The following GMEB1 variants were observed in gnomAD, a reference collection of about 807,000 sequenced individuals.
The protein encoded by GMEB1 is glucocorticoid modulatory element-binding protein 1.
In GMEB1, 6 loss-of-function variants were observed where a neutral mutation model predicts 52.4. That is an observed-to-expected ratio of 0.11 (90% CI 0.06 to 0.23). The LOEUF is 0.23. GMEB1 is among the 10% of genes least tolerant of loss of function. The pLI is 1.00. For missense variants in GMEB1, 486 were observed against 685.6 expected, an observed-to-expected ratio of 0.71 and a Z score of 3.25; for synonymous variants, 255 against 244.9, an observed-to-expected ratio of 1.04 and a Z score of -0.38.
chr1:28,709,133 CAA>C (rs33947165), intron 8 of GMEB1, among the ~76,000 whole-genome samples: 7 of 120,584 alleles, frequency 5.8e-5, no homozygotes, highest in Admixed American at 8.9e-5. Flanking sequence ...GACTCCATCT[CAA>C]AAAAAAAAAA....
intron 9 of GMEB1, among the ~76,000 whole-genome samples, chr1:28,711,854 A>G (rs748072499): frequency 3.9e-5 from 6 of 152,100 alleles, no homozygotes; most frequent in East Asian, 1.9e-4. Flanking sequence ...CGAGCAATCA[A>G]CTCTCCAGTG....
At chr1:28,708,649 T>TTG (rs1274038006) in intron 8 of GMEB1, among the ~76,000 whole-genome samples, 1 of 149,260 alleles carries the variant, frequency 6.7e-6, no homozygotes, top group African/African-American at 2.5e-5. Flanking sequence ...TTTTTTGTAT[T>TTG]TAGTAGCAAC....
At chr1:28,711,866 A>C (rs1041910110) in intron 9 of GMEB1, among the ~76,000 whole-genome samples, 3 of 152,192 alleles carry the variant, frequency 2.0e-5, no homozygotes, top group African/African-American at 7.2e-5. Flanking sequence ...TCTCCAGTGG[A>C]CACTGACTGG....
intron 4 of GMEB1, among the ~76,000 whole-genome samples, chr1:28,692,496 A>T (rs958455476): frequency 2.9e-4 from 44 of 151,572 alleles, no homozygotes; most frequent in African/African-American, 1.1e-3. Context: ...GCGCTGTTGC[A>T]CTCCAGTCTA....
At chr1:28,674,115 ACT>A (rs1024041629) in intron 1 of GMEB1, among the ~76,000 whole-genome samples, 11 of 150,698 alleles carry the variant, frequency 7.3e-5, no homozygotes, top group African/African-American at 2.7e-4. Flanking sequence ...CTGCCATTGC[ACT>A]CCAGCCTGGG....
At chr1:28,697,261 T>C (rs1035809265) in intron 6 of GMEB1, among the ~76,000 whole-genome samples, 177 bp downstream of exon 6, 3 of 149,640 alleles carry the variant, frequency 2.0e-5, no homozygotes, top group African/African-American at 7.4e-5. Context: ...CAGGTTGGAG[T>C]GCAGTAGCGT....
At chr1:28,668,271 C>T (rs1668694031), upstream of GMEB1, among the ~76,000 whole-genome samples, 1 of 149,198 alleles carries the variant, frequency 6.7e-6, no homozygotes, top group South Asian at 2.3e-4. Flanking sequence ...AACCCAGAAA[C>T]TCACAAGCAG....
At chr1:28,669,429 C>T (rs1228747536) in intron 1 of GMEB1, among the ~76,000 whole-genome samples, 1 of 152,114 alleles carries the variant, frequency 6.6e-6, no homozygotes, top group Admixed American at 6.6e-5. Context: ...CTCTCGGAGC[C>T]TTGGCGGGAG....
At chr1:28,686,577 C>T (rs1461331349) in intron 2 of GMEB1, among the ~76,000 whole-genome samples, 2 of 137,190 alleles carry the variant, frequency 1.5e-5, no homozygotes, top group Non-Finnish European at 3.0e-5. Context: ...TGCAGTGAGC[C>T]GAGATTGCAC....
Position 28,697,020 on chromosome 1 carries a change from C to T in GMEB1, c.534C>T (p.Ser178=), listed in dbSNP as rs1670237335. The T allele has an allele frequency of 6.2e-7, 1 of 1,612,388 alleles. No homozygotes were observed. Among genetic ancestry groups the T allele is most frequent in the East Asian group, 2.2e-5 (1 of 44,804 alleles). ...GCACCAAATTTGATCTTCTGATCAG[C>T]AGTGCAAGAGCTCCAGTGCCAGGAC... ...CRSTKFDLLI[S]SARAPVPGQQ... The change falls in exon 6 of 10, where the codon AGC becomes AGT. Residue 178 remains serine, a synonymous_variant. Coordinates refer to ENST00000373816, the MANE Select transcript of GMEB1 (RefSeq NM_001319674.2).
intron 6 of GMEB1, among the ~76,000 whole-genome samples, chr1:28,697,840 T>C (rs1239934328): frequency 6.6e-6 from 1 of 152,084 alleles, no homozygotes; most frequent in Non-Finnish European, 1.5e-5. Flanking sequence ...GGGAGGCAGA[T>C]CATGAAGTCA....
intron 4 of GMEB1, 66 bp downstream of exon 4, chr1:28,691,775 T>A: frequency 1.5e-6 from 1 of 677,174 alleles, no homozygotes; most frequent in South Asian, 3.6e-5. Flanking sequence ...GTGAGTTCCA[T>A]GCATCCTTTT....
intron 3 of GMEB1, among the ~76,000 whole-genome samples, chr1:28,691,122 C>T (rs1158768728): frequency 1.3e-5 from 2 of 152,060 alleles, no homozygotes; most frequent in African/African-American, 2.4e-5. Flanking sequence ...GAAACCCTAT[C>T]TCTACTAAAA....
chr1:28,691,452 C>T (rs753843974), intron 3 of GMEB1, 133 bp from the exon 4 acceptor site: 23 of 478,480 alleles, frequency 4.8e-5, no homozygotes, highest in Admixed American at 1.2e-4. Flanking sequence ...CAAACTTCTT[C>T]CAGAGGATTC....
At chr1:28,671,655 G>T (rs1344615286) in intron 1 of GMEB1, among the ~76,000 whole-genome samples, 1 of 151,872 alleles carries the variant, frequency 6.6e-6, no homozygotes, top group Admixed American at 6.6e-5. Flanking sequence ...TAAGTGGGAG[G>T]ATCGCTTGAG....
chr1:28,696,905 C>A, intron 5 of GMEB1, 22 bp from the exon 6 acceptor site: 1 of 1,581,926 alleles, frequency 6.3e-7, no homozygotes, highest in South Asian at 1.2e-5. Context: ...TGAACTGGTA[C>A]TTCTTGTCTC....
At chr1:28,708,033 G>A (rs1301600799) in intron 8 of GMEB1, among the ~76,000 whole-genome samples, 2 of 151,988 alleles carry the variant, frequency 1.3e-5, no homozygotes, top group Admixed American at 6.6e-5. Context: ...CAAGTAGCTG[G>A]GACTACAGGC....
intron 8 of GMEB1, among the ~76,000 whole-genome samples, chr1:28,706,006 T>C (rs1670743039): frequency 6.8e-6 from 1 of 146,606 alleles, no homozygotes; most frequent in Admixed American, 6.8e-5. Flanking sequence ...TACAGAAAAT[T>C]AGCCGGGCGC....
At chr1:28,686,628 C>CAAAAA (rs67007069) in intron 2 of GMEB1, among the ~76,000 whole-genome samples, 2 of 94,254 alleles carry the variant, frequency 2.1e-5, no homozygotes, top group Non-Finnish European at 4.1e-5. Flanking sequence ...GATTCTGTCT[C>CAAAAA]AAAAAAAAAA....
Sources: allele counts gnomAD v4.1 joint callset (sites outside exome capture counted in the v4.1 genomes callset), GRCh38; gene constraint gnomAD v4.1.1; transcripts MANE v1.5; gene names NCBI Gene and HGNC (gene_info 2026-07-23, HGNC 2026-07-21).